ATP8B4: variants seen among roughly 807,000 people sequenced by gnomAD.
The protein encoded by ATP8B4 is ATPase phospholipid transporting 8B4 (putative).
In ATP8B4, 133 loss-of-function variants were observed where a neutral mutation model predicts 145.6. The observed-to-expected ratio is 0.91, with a 90% CI of 0.79 to 1.05. The LOEUF (loss-of-function observed/expected upper bound fraction) is 1.05, where lower values mean the gene tolerates loss of function less well. ATP8B4 is among the 50% of genes least tolerant of loss of function. ATP8B4 has a pLI of 0.00. For synonymous variants in ATP8B4, 507 were observed against 492.9 expected (o/e 1.03, Z -0.38); for missense variants, 1,458 against 1,425.2 (o/e 1.02, Z -0.37).
intron 2 of ATP8B4, among the ~76,000 whole-genome samples, chr15:50,086,756 T>A (rs1440343512): frequency 1.9e-4 from 8 of 42,728 alleles, no homozygotes; most frequent in African/African-American, 3.0e-4. Flanking sequence ...ATATATAAAA[T>A]AATAGAGATC....
intron 1 of ATP8B4, among the ~76,000 whole-genome samples, chr15:50,173,290 T>A (rs1485687536): frequency 6.6e-6 from 1 of 152,150 alleles, no homozygotes; most frequent in African/African-American, 2.4e-5. Flanking sequence ...GAAATCAGAT[T>A]GTTACTGTGT....
chr15:50,133,140 A>G (rs930600873), intron 1 of ATP8B4, among the ~76,000 whole-genome samples: 7 of 152,230 alleles, frequency 4.6e-5, no homozygotes, highest in African/African-American at 1.7e-4. Context: ...TGTACATACA[A>G]TGGAATATTA....
intron 1 of ATP8B4, among the ~76,000 whole-genome samples, chr15:50,115,384 C>A (rs1567389941): frequency 6.6e-6 from 1 of 151,654 alleles, no homozygotes; most frequent in African/African-American, 2.4e-5. Flanking sequence ...GAGTGCAGGG[C>A]TATGGTAGAA....
At chr15:50,160,692 C>G (rs1042465231) in intron 1 of ATP8B4, among the ~76,000 whole-genome samples, 1 of 151,410 alleles carries the variant, frequency 6.6e-6, no homozygotes, top group African/African-American at 2.4e-5. Context: ...ACCAAAATTC[C>G]TCTTGTTACT....
chr15:50,099,072 C>A (rs1361197330), intron 2 of ATP8B4, among the ~76,000 whole-genome samples: 1 of 152,124 alleles, frequency 6.6e-6, no homozygotes, highest in African/African-American at 2.4e-5. Flanking sequence ...ACCCTACACC[C>A]CATAAACATA....
intron 25 of ATP8B4, among the ~76,000 whole-genome samples, chr15:49,871,692 T>G (rs1456204416): frequency 6.6e-6 from 1 of 152,200 alleles, no homozygotes; most frequent in Non-Finnish European, 1.5e-5. Context: ...TTTGCCCCTG[T>G]ATTCTTTAGC....
intron 1 of ATP8B4, among the ~76,000 whole-genome samples, chr15:50,118,048 A>G (rs1167597050): frequency 2.0e-5 from 3 of 152,188 alleles, no homozygotes; most frequent in African/African-American, 2.4e-5. Flanking sequence ...ATGGGTACAA[A>G]CATACAGTCA....
At chr15:50,000,904 G>T (rs2153560006) in intron 8 of ATP8B4, among the ~76,000 whole-genome samples, 1 of 152,170 alleles carries the variant, frequency 6.6e-6, no homozygotes, top group Middle Eastern at 3.4e-3. Flanking sequence ...TAAGTGTATA[G>T]TCTTTTTTTT....
intron 6 of ATP8B4, among the ~76,000 whole-genome samples, chr15:50,030,165 C>A (rs2050323305): frequency 6.6e-6 from 1 of 151,688 alleles, no homozygotes; most frequent in African/African-American, 2.4e-5. Context: ...TCTCCAAGGC[C>A]TTTGTGGTTG....
intron 8 of ATP8B4, among the ~76,000 whole-genome samples, chr15:49,998,503 T>C (rs1258931849): frequency 6.6e-6 from 1 of 152,228 alleles, no homozygotes; most frequent in African/African-American, 2.4e-5. Flanking sequence ...ATGGTGAGCA[T>C]TTTTTCACGT....
At chr15:49,928,354 G>A (rs1331751920) in intron 16 of ATP8B4, among the ~76,000 whole-genome samples, 1 of 152,086 alleles carries the variant, frequency 6.6e-6, no homozygotes, top group African/African-American at 2.4e-5. Flanking sequence ...GAGAAGTGGG[G>A]GAAAGGAGTA....
intron 20 of ATP8B4, chr15:49,908,138 G>A (rs774118594): frequency 1.1e-5 from 5 of 455,734 alleles, no homozygotes; most frequent in Non-Finnish European, 1.8e-5. Context: ...TAATACATGT[G>A]TACTGCCTAC....
rs867611913 is a variant in ATP8B4, at chr15:50,086,411, A to T, written c.29-12226T>A. Among the ~76,000 whole-genome samples the T allele has an allele frequency of 7.7e-4, 22 of 28,600 alleles. 2 individuals are homozygous for T. The South Asian group carries it at 0.021, about 27-fold the overall frequency. 18.8% of individuals were successfully genotyped at this position (28,600 alleles called of 152,430 possible). ...GAGATCTATATTTATTATATATAAT[A>T]AAATAATATAGAGATCTATAATTAT... On this transcript the variant is annotated intron_variant, in intron 2 of 27. Transcript: ENST00000284509.
intron 3 of ATP8B4, among the ~76,000 whole-genome samples, chr15:50,061,685 G>GT (rs1212102441): frequency 1.3e-5 from 2 of 152,182 alleles, no homozygotes; most frequent in East Asian, 3.8e-4. Flanking sequence ...TACTTAACAT[G>GT]TGACTGGCAC....
chr15:49,876,965 T>G (rs1317708966), intron 24 of ATP8B4, among the ~76,000 whole-genome samples: 2 of 152,142 alleles, frequency 1.3e-5, no homozygotes, highest in African/African-American at 4.8e-5. Flanking sequence ...AGCAGAGAGC[T>G]GTGGAGTCAG....
chr15:50,087,152 AAT>A (rs1213813737), intron 2 of ATP8B4, among the ~76,000 whole-genome samples: 2 of 127,546 alleles, frequency 1.6e-5, no homozygotes, highest in Non-Finnish European at 3.1e-5. Flanking sequence ...TATTATATAT[AAT>A]ATATAGATCT....
At chr15:49,957,421 C>T (rs2043670297) in intron 14 of ATP8B4, among the ~76,000 whole-genome samples, 1 of 151,668 alleles carries the variant, frequency 6.6e-6, no homozygotes. Context: ...ATTATAAAGA[C>T]AAAAAGTAAT....
At chr15:50,041,150 C>G (rs2051250509) in intron 5 of ATP8B4, among the ~76,000 whole-genome samples, 1 of 152,072 alleles carries the variant, frequency 6.6e-6, no homozygotes. Context: ...CCTTTAAGGC[C>G]AATATGTAGG....
At chr15:50,052,271 A>T (rs1349051183) in intron 3 of ATP8B4, among the ~76,000 whole-genome samples, 1 of 152,224 alleles carries the variant, frequency 6.6e-6, no homozygotes, top group African/African-American at 2.4e-5. Flanking sequence ...TCCCACCATG[A>T]ATGACTACAA....
Sources: gnomAD v4.1 joint callset for allele counts (sites outside exome capture counted in the v4.1 genomes callset) on GRCh38, gnomAD v4.1.1 for gene constraint, MANE v1.5 for transcripts, NCBI Gene and HGNC (gene_info 2026-07-23, HGNC 2026-07-21) for gene names.